ZMYM2: variants seen among roughly 807,000 people sequenced by gnomAD.
ZMYM2 encodes the protein zinc finger MYM-type protein 2.
In ZMYM2, 56 loss-of-function variants were observed where a neutral mutation model predicts 162.8. That is an observed-to-expected ratio of 0.34 (90% confidence interval 0.28 to 0.43). The LOEUF (loss-of-function observed/expected upper bound fraction) is 0.43. ZMYM2 is among the 20% of genes least tolerant of loss of function. ZMYM2 has a pLI of 1.00. For missense variants in ZMYM2, 1,275 were observed against 1,621.8 expected, an observed-to-expected ratio of 0.79 and a Z score of 3.67; for synonymous variants, 510 against 541.6, an observed-to-expected ratio of 0.94 and a Z score of 0.81.
At chr13:19,900,741 A>G in the ZMYM2 span, among the ~76,000 whole-genome samples, 69 of 152,218 alleles carry the variant, frequency 4.5e-4, no homozygotes, top group African/African-American at 1.6e-3. Context: ...AAATCCCAAC[A>G]AAGTACTACA....
intron 18 of ZMYM2, among the ~76,000 whole-genome samples, chr13:20,063,898 ATT>A (rs1424429250): frequency 9.6e-5 from 1 of 10,416 alleles, no homozygotes; most frequent in African/African-American, 1.4e-4. Flanking sequence ...TATAAATATA[ATT>A]TTATATATAA....
intron 2 of ZMYM2, among the ~76,000 whole-genome samples, chr13:19,968,136 A>G (rs1001778495): frequency 6.6e-6 from 1 of 152,208 alleles, no homozygotes; most frequent in Non-Finnish European, 1.5e-5. Flanking sequence ...TAATTGCCAA[A>G]TCTTTTAACT....
the ZMYM2 span, among the ~76,000 whole-genome samples, chr13:19,877,931 T>A: frequency 6.6e-6 from 1 of 152,156 alleles, no homozygotes; most frequent in Non-Finnish European, 1.5e-5. Flanking sequence ...CTGGATTATA[T>A]AGTAATTACA....
intron 3 of ZMYM2, among the ~76,000 whole-genome samples, chr13:19,997,542 T>G (rs60751886): frequency 0.078 from 11,804 of 152,112 alleles, 1,383 homozygotes; most frequent in African/African-American, 0.25. Context: ...TGTGTGTGTT[T>G]GTATGAGCAT....
chr13:19,995,699 G>T (rs1220956933), intron 3 of ZMYM2, among the ~76,000 whole-genome samples: 1 of 152,036 alleles, frequency 6.6e-6, no homozygotes. Context: ...TTTTTTGAAG[G>T]TTGATAGTTT....
At chr13:20,000,054 C>T (rs918946483) in intron 3 of ZMYM2, among the ~76,000 whole-genome samples, 2 of 152,090 alleles carry the variant, frequency 1.3e-5, no homozygotes, top group Non-Finnish European at 2.9e-5. Flanking sequence ...TGCTTCAGAC[C>T]CCCAAAGTGC....
At chr13:19,958,396 G>A (rs1165688484), upstream of ZMYM2, among the ~76,000 whole-genome samples, 3 of 151,692 alleles carry the variant, frequency 2.0e-5, no homozygotes, top group Admixed American at 6.6e-5. Flanking sequence ...CGGGCCCCGA[G>A]GAGCCGAAGC....
At chr13:19,868,754 A>C in the ZMYM2 span, among the ~76,000 whole-genome samples, 1 of 151,964 alleles carries the variant, frequency 6.6e-6, no homozygotes, top group South Asian at 2.1e-4. Context: ...AATTATTATT[A>C]TTATTATTAT....
At chr13:19,914,163 G>C in the ZMYM2 span, among the ~76,000 whole-genome samples, 1 of 152,238 alleles carries the variant, frequency 6.6e-6, no homozygotes, top group African/African-American at 2.4e-5. Context: ...TGGTGACAAG[G>C]AAGTCTGGGG....
intron 14 of ZMYM2, among the ~76,000 whole-genome samples, 182 bp from the exon 15 acceptor site, chr13:20,058,393 G>A (rs560291610): frequency 3.3e-5 from 5 of 152,234 alleles, no homozygotes; most frequent in Admixed American, 1.3e-4. Context: ...TAGTAGTTAG[G>A]ATAGATTCAT....
At chr13:19,957,190 C>T (rs1008710130), upstream of ZMYM2, among the ~76,000 whole-genome samples, 4 of 151,644 alleles carry the variant, frequency 2.6e-5, no homozygotes, top group Non-Finnish European at 5.9e-5. Context: ...CTAGATTATC[C>T]TCTGTAAGTT....
At chr13:19,882,486 C>A in the ZMYM2 span, among the ~76,000 whole-genome samples, 1 of 152,114 alleles carries the variant, frequency 6.6e-6, no homozygotes, top group Admixed American at 6.6e-5. Context: ...GTAGCTCACA[C>A]CTGTAATCCT....
intron 6 of ZMYM2, among the ~76,000 whole-genome samples, chr13:20,013,944 T>C (rs1259216182): frequency 6.6e-6 from 1 of 152,128 alleles, no homozygotes. Context: ...CCTTATAGAA[T>C]GGGGTGGGTG....
intron 2 of ZMYM2, among the ~76,000 whole-genome samples, chr13:19,971,226 A>ATG (rs1402220919): frequency 1.2e-3 from 80 of 68,980 alleles, no homozygotes; most frequent in African/African-American, 3.0e-3. Flanking sequence ...TAGTTTATAT[A>ATG]TATGTGTGTG....
chr13:20,083,804 A>G (rs1235322635), intron 24 of ZMYM2, 28 bp downstream of exon 24: 15 of 1,586,786 alleles, frequency 9.5e-6, no homozygotes, highest in Non-Finnish European at 1.3e-5. Context: ...TTAACTTTTA[A>G]AAATGTTGGT....
chr13:19,884,855 C>T, the ZMYM2 span, among the ~76,000 whole-genome samples: 2 of 152,072 alleles, frequency 1.3e-5, no homozygotes, highest in East Asian at 3.9e-4. Context: ...GAGCACATCA[C>T]AATTGCGGGT....
chr13:20,018,447 C>G (rs1269480703), intron 6 of ZMYM2, among the ~76,000 whole-genome samples: 6 of 152,128 alleles, frequency 3.9e-5, no homozygotes, highest in Non-Finnish European at 8.8e-5. Flanking sequence ...TTCTCTGCAA[C>G]CTGGGAGCTA....
At chr13:19,865,236 G>GA in the ZMYM2 span, among the ~76,000 whole-genome samples, 1 of 152,112 alleles carries the variant, frequency 6.6e-6, no homozygotes, top group African/African-American at 2.4e-5. Flanking sequence ...TAAAACAAAC[G>GA]AAAAAACCAA....
rs7999253 is a variant in ZMYM2 at position 20,046,493 on chromosome 13, A to C, written c.2293-4940A>C. Among the ~76,000 whole-genome samples the C allele has an allele frequency of 9.1e-3, 1,370 of 150,790 alleles. 21 individuals carry two copies. The highest frequency in any genetic ancestry group is 0.031 in the African/African-American group (1,284 of 41,056). On this transcript the variant is annotated intron_variant, in intron 12 of 24. Transcript: ENST00000610343. Reference sequence around the variant, plus strand: ...CACTTGAGTTCAGGTTTTTGAGGTGACAGTGAGCTCTGATCACACCACTGC... The same window carrying C: ...CACTTGAGTTCAGGTTTTTGAGGTGCCAGTGAGCTCTGATCACACCACTGC...
Sources: allele counts gnomAD v4.1 joint callset (sites outside exome capture counted in the v4.1 genomes callset), GRCh38; gene constraint gnomAD v4.1.1; transcripts MANE v1.5; gene names NCBI Gene and HGNC (gene_info 2026-07-23, HGNC 2026-07-21).